The following DHRSX variants were observed in gnomAD, a reference collection of about 807,000 sequenced individuals.
DHRSX encodes the protein dehydrogenase/reductase X-linked, also known as polyprenol dehydrogenase.
In DHRSX, 31 loss-of-function variants were observed where a neutral mutation model predicts 34.0. The observed-to-expected ratio is 0.91, with a 90% CI of 0.69 to 1.23. The LOEUF (loss-of-function observed/expected upper bound fraction) is 1.23. Among genes scored for constraint, DHRSX ranks in the 50% most tolerant of loss-of-function variants. DHRSX has a pLI of 0.00. For missense variants in DHRSX, 414 were observed against 428.1 expected (o/e 0.97, Z 0.29); for synonymous variants, 201 against 183.8 (o/e 1.09, Z -0.76).
chrX:2,471,756 GC>G (rs2044596616), intron 1 of DHRSX, among the ~76,000 whole-genome samples: 1 of 152,100 alleles, frequency 6.6e-6, no homozygotes, highest in African/African-American at 2.4e-5. Context: ...GTGTTTTCAT[GC>G]ACATCGCTTC....
intron 2 of DHRSX, among the ~76,000 whole-genome samples, chrX:2,413,636 G>A (rs1383582071): frequency 6.6e-6 from 1 of 152,056 alleles, no homozygotes; most frequent in Non-Finnish European, 1.5e-5. Flanking sequence ...TACTATTCAT[G>A]GACAATACAA....
chrX:2,456,298 G>A (rs1339206597), intron 1 of DHRSX, among the ~76,000 whole-genome samples: 4 of 152,238 alleles, frequency 2.6e-5, no homozygotes, highest in Non-Finnish European at 4.4e-5. Context: ...TTATCTGCGA[G>A]TTTGTAACCA....
At chrX:2,245,841 A>T (rs999833271) in intron 5 of DHRSX, among the ~76,000 whole-genome samples, 6 of 151,188 alleles carry the variant, frequency 4.0e-5, no homozygotes, top group Admixed American at 4.0e-4. Flanking sequence ...ATGTGCCTGT[A>T]GTCCCAGCTA....
At chrX:2,454,627 A>C (rs6567500) in intron 1 of DHRSX, among the ~76,000 whole-genome samples, 71,324 of 151,782 alleles carry the variant, frequency 0.47, 19,727 homozygotes, top group African/African-American at 0.76. Context: ...AATTCTATTA[A>C]CCAATCAAAT....
At chrX:2,481,524 G>C (rs1233048310) in intron 1 of DHRSX, among the ~76,000 whole-genome samples, 4 of 151,944 alleles carry the variant, frequency 2.6e-5, no homozygotes, top group Non-Finnish European at 5.9e-5. Context: ...AAATTAGCTG[G>C]CTGTGGTGGC....
intron 5 of DHRSX, among the ~76,000 whole-genome samples, chrX:2,248,275 T>C (rs1314119293): frequency 6.6e-6 from 1 of 151,538 alleles, no homozygotes; most frequent in African/African-American, 2.4e-5. Flanking sequence ...CTACTAAAAA[T>C]ACAAAAAATT....
At chrX:2,259,188 G>A (rs1412641021) in intron 5 of DHRSX, among the ~76,000 whole-genome samples, 2 of 151,662 alleles carry the variant, frequency 1.3e-5, no homozygotes, top group East Asian at 1.9e-4. Flanking sequence ...CAGGAGAATC[G>A]CTTGAACCCA....
chrX:2,456,967 G>C (rs1225549132), intron 1 of DHRSX, among the ~76,000 whole-genome samples: 1 of 151,708 alleles, frequency 6.6e-6, no homozygotes, highest in Non-Finnish European at 1.5e-5. Context: ...GAATGAATGG[G>C]GTCAGGACAG....
intron 3 of DHRSX, among the ~76,000 whole-genome samples, chrX:2,299,787 G>A (rs372526195): frequency 1.3e-5 from 2 of 150,946 alleles, no homozygotes; most frequent in East Asian, 2.0e-4. Flanking sequence ...CCTGGGAGGT[G>A]GAGGTTGCAG....
chrX:2,267,310 A>G (rs2041488284), intron 4 of DHRSX, among the ~76,000 whole-genome samples: 1 of 152,028 alleles, frequency 6.6e-6, no homozygotes, highest in Non-Finnish European at 1.5e-5. Context: ...TTGGGAGGCC[A>G]AGGCGGGTGG....
At chrX:2,376,189 TCTA>T (rs1387249115) in intron 3 of DHRSX, among the ~76,000 whole-genome samples, 1 of 137,528 alleles carries the variant, frequency 7.3e-6, no homozygotes, top group Non-Finnish European at 1.7e-5. Flanking sequence ...AAATCTAAAT[TCTA>T]CAGGGTGGCT....
Position 2,360,371 on chromosome X carries a change from G to T in DHRSX, c.286+48374C>A, listed in dbSNP as rs368732553. ...AGGCCAAGGTGGGCGGATCACGAGG[G>T]CAGGAGTTCAAGACCAGCCTGACCA... is the stretch of plus-strand genomic sequence containing the variant. On this transcript the variant is annotated intron_variant, in intron 3 of 6. Transcript: ENST00000334651. Among the ~76,000 whole-genome samples, 126 of 152,202 alleles carry T rather than the reference G, an allele frequency of 8.3e-4. No homozygotes were observed. In the Middle Eastern group the frequency reaches 0.017, roughly 21 times the overall value.
chrX:2,356,045 A>G (rs2042847146), intron 3 of DHRSX, among the ~76,000 whole-genome samples: 2 of 149,400 alleles, frequency 1.3e-5, no homozygotes, highest in Admixed American at 1.4e-4. Context: ...CACCCTGGGC[A>G]ACAAGTGCGA....
intron 5 of DHRSX, among the ~76,000 whole-genome samples, chrX:2,258,779 C>T (rs975095779): frequency 4.6e-5 from 7 of 152,214 alleles, no homozygotes; most frequent in Non-Finnish European, 8.8e-5. Context: ...GTGCCGTCAA[C>T]GAAGAACAGT....
intron 3 of DHRSX, among the ~76,000 whole-genome samples, chrX:2,346,737 T>G (rs1272618917): frequency 1.3e-5 from 2 of 152,070 alleles, no homozygotes; most frequent in East Asian, 1.9e-4. Context: ...GCCATGGTGG[T>G]TTGCTGCACC....
At chrX:2,458,409 G>C (rs2044342501) in intron 1 of DHRSX, among the ~76,000 whole-genome samples, 1 of 152,134 alleles carries the variant, frequency 6.6e-6, no homozygotes, top group Admixed American at 6.6e-5. Flanking sequence ...ACTACTAATA[G>C]TTTCCAAGAT....
At chrX:2,264,658 C>T (rs1012159566) in intron 5 of DHRSX, among the ~76,000 whole-genome samples, 3 of 148,966 alleles carry the variant, frequency 2.0e-5, no homozygotes, top group African/African-American at 7.5e-5. Flanking sequence ...CATCTGTGCC[C>T]AGCAGATCCA....
chrX:2,397,974 G>C (rs2043435520), intron 3 of DHRSX, among the ~76,000 whole-genome samples: 1 of 145,690 alleles, frequency 6.9e-6, no homozygotes, highest in African/African-American at 2.7e-5. Flanking sequence ...ATGCCAACAG[G>C]CTGATCTCAC....
intron 4 of DHRSX, among the ~76,000 whole-genome samples, chrX:2,267,665 G>A (rs1438675504): frequency 6.6e-6 from 1 of 152,064 alleles, no homozygotes; most frequent in African/African-American, 2.4e-5. Context: ...TATTCTGGGC[G>A]GCTAGGTGTG....
Sources: allele counts gnomAD v4.1 joint callset (sites outside exome capture counted in the v4.1 genomes callset), GRCh38; gene constraint gnomAD v4.1.1; transcripts MANE v1.5; gene names NCBI Gene and HGNC (gene_info 2026-07-23, HGNC 2026-07-21).